The following C14orf39 variants were observed in gnomAD, a reference collection of about 807,000 sequenced individuals.
C14orf39 encodes chromosome 14 open reading frame 39.
C14orf39 carries 66 observed loss-of-function variants against 85.6 expected under a neutral mutation model. The ratio of observed to expected loss-of-function variants is 0.77; its 90% CI spans 0.63 to 0.95. C14orf39 has a LOEUF of 0.95. Ranked by LOEUF, C14orf39 falls within the 40% of genes least tolerant of loss-of-function variation. C14orf39 has a pLI of 0.00. For synonymous variants in C14orf39, 242 were observed against 214.0 expected (o/e 1.13, Z -1.14); for missense variants, 735 against 663.9 (o/e 1.11, Z -1.18).
intron 16 of C14orf39, among the ~76,000 whole-genome samples, chr14:60,450,630 C>T (rs1469776002): frequency 6.6e-6 from 1 of 152,192 alleles, no homozygotes; most frequent in Non-Finnish European, 1.5e-5. Flanking sequence ...CTGGCTTCAC[C>T]ACCTGCTGAT....
rs142831051 is a variant in C14orf39, at chr14:60,491,388, G to A, written c.-8-6302C>T. Among the ~76,000 whole-genome samples, 7 of 152,200 alleles carry A rather than the reference G, an allele frequency of 4.6e-5. No homozygotes were observed. Among genetic ancestry groups the A allele is most frequent in the Admixed American group, 1.3e-4 (2 of 15,286 alleles). On this transcript the variant is annotated intron_variant, in intron 2 of 5. Transcript: ENST00000556799. This position sits in a 1 kb window ranked among gnomAD's most constrained non-coding sequence, Gnocchi z 4.5. ...GGCACTAATACTAAGCCCTCATCAC[G>A]CCTCTTAATACTATTACATTAGGGA...
intron 5 of C14orf39, among the ~76,000 whole-genome samples, chr14:60,473,844 C>T (rs530805786): frequency 1.2e-3 from 186 of 152,252 alleles, no homozygotes; most frequent in Middle Eastern, 6.8e-3. Context: ...TGTGATGCCT[C>T]CAGCTTTGTT....
chr14:60,496,495 A>T (rs1354576801), intron 2 of C14orf39: 1 of 249,726 alleles, frequency 4.0e-6, no homozygotes, highest in Middle Eastern at 1.0e-3. Context: ...TCTCCATGTG[A>T]CCATTCTTAC....
rs537035657 is a variant in C14orf39 at position 60,500,939 on chromosome 14, A to G, written c.-143-1509T>C. 2.2e-4 allele frequency among the ~76,000 whole-genome samples: 33 copies of G among 152,366 alleles called. No individual in the cohort carries two copies. The South Asian group carries it at 5.8e-3, about 27-fold the overall frequency. On this transcript the variant is annotated intron_variant, in intron 1 of 5. Coordinates refer to the C14orf39 transcript ENST00000556799. The stretch of plus-strand genomic sequence containing the variant: ...TCCAGATGAGGACAATACATGAGAA[A>G]AGAGCACAAATAGCAACAAATGAAC...
chr14:60,488,442 C>T (rs1335595043), upstream of C14orf39, among the ~76,000 whole-genome samples: 1 of 152,156 alleles, frequency 6.6e-6, no homozygotes, highest in Non-Finnish European at 1.5e-5. Flanking sequence ...CAGTGAATTA[C>T]AGTGCTCCAT....
intron 16 of C14orf39, among the ~76,000 whole-genome samples, chr14:60,442,985 T>C (rs1260426341): frequency 6.6e-6 from 1 of 152,172 alleles, no homozygotes; most frequent in African/African-American, 2.4e-5. Flanking sequence ...TTATTGCAAA[T>C]ATTTTACATC....
intron 13 of C14orf39, among the ~76,000 whole-genome samples, chr14:60,459,998 A>G (rs977822197): frequency 1.3e-5 from 2 of 151,588 alleles, no homozygotes; most frequent in Non-Finnish European, 3.0e-5. Context: ...GGACTTTTTA[A>G]TGCTTGAGAA....
rs2140090876 is a variant in C14orf39 at position 60,461,573 on chromosome 14, C to T, written c.993G>A (p.Val331=). 1.3e-6 allele frequency: 2 copies of T among 1,572,394 alleles called. No individual in the cohort carries two copies. The highest frequency in any genetic ancestry group is 4.5e-5 in the East Asian group (2 of 44,254). ...TATGTGAACATTTTGAATGGTTATCCACAGCAGAGTCATTAAATATCTGAA... is the reference window on the plus strand; with the variant it reads ...TATGTGAACATTTTGAATGGTTATCTACAGCAGAGTCATTAAATATCTGAA... ...NDTQIFNDSA[V]DNHSKCSHIT... Residue 331 remains valine (V), a synonymous_variant, in exon 12 of 18, where the codon GTG becomes GTA. Transcript: ENST00000321731.
At position 60,491,650 on chromosome 14, in the gene C14orf39, C is replaced by T. The variant is rs1892990762; in HGVS notation, c.-8-6564G>A. 1.3e-5 allele frequency among the ~76,000 whole-genome samples: 2 copies of T among 152,180 alleles called. No homozygotes were observed. Among genetic ancestry groups the T allele is most frequent in the African/African-American group, 4.8e-5 (2 of 41,450 alleles). On this transcript the variant is annotated intron_variant, in intron 2 of 5. Transcript: ENST00000556799. This position sits in a 1 kb window ranked among gnomAD's most constrained non-coding sequence, Gnocchi z 4.5. ...TTTTTCCTCTTAAATATCTTCCATC[C>T]ATTTTTCTCTATTTCAGCTGCCGCC...
In C14orf39 at chr14:60,436,834, TA is replaced by T. The variant is rs1365310272; in HGVS notation, c.*10del. Reference sequence around the variant, plus strand: ...AGAACAGTAAAATAATTTAAGGAATTAATGACTAGCTCAAAAAAAAGTAAAC... The same window carrying T: ...AGAACAGTAAAATAATTTAAGGAATTATGACTAGCTCAAAAAAAAGTAAAC... On this transcript the variant is annotated 3_prime_UTR_variant, in exon 18 of 18. Coordinates refer to ENST00000321731, the MANE Select transcript of C14orf39 (RefSeq NM_174978.3). The T allele has an allele frequency of 6.4e-7, 1 of 1,565,684 alleles. No individual in the cohort carries two copies. Among genetic ancestry groups the T allele is most frequent in the Non-Finnish European group, 8.8e-7 (1 of 1,142,662 alleles).
chr14:60,437,272 A>G (rs1459818475), intron 17 of C14orf39, among the ~76,000 whole-genome samples: 1 of 152,006 alleles, frequency 6.6e-6, no homozygotes, highest in Non-Finnish European at 1.5e-5. Context: ...AGTAATTTGA[A>G]CTCTAGTATA....
chr14:60,460,929 A>C (rs1891493311), intron 13 of C14orf39, among the ~76,000 whole-genome samples: 1 of 151,924 alleles, frequency 6.6e-6, no homozygotes, highest in South Asian at 2.1e-4. Context: ...TGACTAAGTA[A>C]ATTATGGCAT....
chr14:60,471,529 CAATAT>C lies in C14orf39; in HGVS notation c.511+18_511+22del. ...CATTACAAAGATATCATAATTAAAA[CAATAT>C]AACAAAAATATTAATACCTCGAAAT... On this transcript the variant is annotated intron_variant, in intron 6 of 17. Coordinates refer to ENST00000321731, the MANE Select transcript of C14orf39 (RefSeq NM_174978.3). 1.3e-6 allele frequency: 2 copies of C among 1,576,620 alleles called. No homozygotes were observed. Among genetic ancestry groups the C allele is most frequent in the Non-Finnish European group, 1.7e-6 (2 of 1,162,628 alleles).
At chr14:60,442,042 T>A in intron 17 of C14orf39, 32 bp downstream of exon 17, 1 of 1,531,314 alleles carries the variant, frequency 6.5e-7, no homozygotes, top group Non-Finnish European at 9.0e-7. Context: ...AGTTAACATG[T>A]TTTTAAAGGT....
Position 60,461,543 on chromosome 14 carries a change from C to T in C14orf39, c.1023G>A (p.Thr341=), listed in dbSNP as rs147156617. Residue 341 remains threonine, a synonymous_variant, in exon 12 of 18, where the codon ACG becomes ACA. Transcript: ENST00000321731. Reference sequence around the variant, plus strand: ...TAAACTTTTGTGAACTTGTGATAGTCGTAATATGTGAACATTTTGAATGGT... The same window carrying T: ...TAAACTTTTGTGAACTTGTGATAGTTGTAATATGTGAACATTTTGAATGGT... ...VDNHSKCSHI[T]TITSSQKFMQ... 6.3e-5 allele frequency: 100 copies of T among 1,587,728 alleles called. No individual in the cohort carries two copies. The highest frequency in any genetic ancestry group is 3.3e-4 in the African/African-American group (24 of 73,432).
chr14:60,496,062 G>T, intron 2 of C14orf39: 1 of 783,628 alleles, frequency 1.3e-6, no homozygotes, highest in Non-Finnish European at 2.0e-6. Flanking sequence ...TTGTTTCAAG[G>T]CATCCAGAGA....
chr14:60,442,465 G>T (rs1358912851), intron 16 of C14orf39, among the ~76,000 whole-genome samples: 1 of 152,038 alleles, frequency 6.6e-6, no homozygotes, highest in Non-Finnish European at 1.5e-5. Flanking sequence ...AAAGTAACAG[G>T]AAGTGGATAG....
In C14orf39 at chr14:60,484,409, T is replaced by C. The variant is rs905053515; in HGVS notation, c.106+472A>G. On this transcript the variant is annotated intron_variant, in intron 3 of 17. Coordinates refer to ENST00000321731, the MANE Select transcript of C14orf39 (RefSeq NM_174978.3). This position sits in a 1 kb window ranked among gnomAD's most constrained non-coding sequence, Gnocchi z 4.2. Reference sequence around the variant, plus strand: ...AAGAAATTTAGAACTCTATTTTTTATAGTTGTTTTGTTGGATCTTAAAATA... The same window carrying C: ...AAGAAATTTAGAACTCTATTTTTTACAGTTGTTTTGTTGGATCTTAAAATA... 1.3e-5 allele frequency among the ~76,000 whole-genome samples: 2 copies of C among 152,220 alleles called. No individual in the cohort carries two copies. The highest frequency in any genetic ancestry group is 6.5e-5 in the Admixed American group (1 of 15,290).
intron 16 of C14orf39, among the ~76,000 whole-genome samples, chr14:60,445,777 T>C (rs900444572): frequency 3.9e-5 from 6 of 152,134 alleles, no homozygotes; most frequent in African/African-American, 1.2e-4. Flanking sequence ...CAGCACCACA[T>C]TGCACTTATT....
Sources: gnomAD v4.1 joint callset for allele counts (sites outside exome capture counted in the v4.1 genomes callset) on GRCh38, gnomAD v4.1.1 for gene constraint, Gnocchi (gnomAD v3.1) non-coding constraint, MANE v1.5 for transcripts, NCBI Gene and HGNC (gene_info 2026-07-23, HGNC 2026-07-21) for gene names.